The following GABRR2 variants were observed in gnomAD, a reference collection of about 807,000 sequenced individuals.
GABRR2 encodes gamma-aminobutyric acid type A receptor subunit rho2.
In GABRR2, 36 loss-of-function variants were observed where a neutral mutation model predicts 47.0. That is an observed-to-expected ratio of 0.77 (90% CI 0.59 to 1.01). The LOEUF is 1.01. Among genes scored for constraint, GABRR2 ranks in the 50% least tolerant of loss-of-function variants. GABRR2 has a pLI of 0.00. For synonymous variants in GABRR2, 204 were observed against 227.5 expected (o/e 0.90, Z 0.93); for missense variants, 587 against 594.6 (o/e 0.99, Z 0.13).
At chr6:89,305,511 C>A (rs1767544018) in intron 1 of GABRR2, among the ~76,000 whole-genome samples, 1 of 151,806 alleles carries the variant, frequency 6.6e-6, no homozygotes, top group South Asian at 2.1e-4. Context: ...CCACATCCAG[C>A]TACTTGGGAG....
intron 4 of GABRR2, among the ~76,000 whole-genome samples, chr6:89,268,388 C>T (rs2127831903): frequency 6.6e-6 from 1 of 152,320 alleles, no homozygotes; most frequent in Non-Finnish European, 1.5e-5. Context: ...GGGCTTTGCC[C>T]TCAGCCAGCA....
chr6:89,269,598 C>T (rs113386599), intron 3 of GABRR2, among the ~76,000 whole-genome samples: 121 of 152,356 alleles, frequency 7.9e-4, no homozygotes, highest in African/African-American at 2.8e-3. Context: ...GCTAACCATT[C>T]CATTTCAGCT....
intron 1 of GABRR2, among the ~76,000 whole-genome samples, 198 bp from the exon 2 acceptor site, chr6:89,300,063 G>T (rs1774640402): frequency 6.6e-6 from 1 of 152,206 alleles, no homozygotes; most frequent in Admixed American, 6.5e-5. Context: ...CTGAGGACCA[G>T]GTTCTTCTGG....
At chr6:89,306,251 C>A (rs1254111119) in intron 1 of GABRR2, among the ~76,000 whole-genome samples, 1 of 151,776 alleles carries the variant, frequency 6.6e-6, no homozygotes, top group Non-Finnish European at 1.5e-5. Context: ...ATGGCATATG[C>A]CTCTGGTCCC....
At chr6:89,269,402 A>G in intron 3 of GABRR2, 168 bp from the exon 4 acceptor site, 1 of 615,496 alleles carries the variant, frequency 1.6e-6, no homozygotes. Context: ...TGGAAAGAGA[A>G]TAGCTCATTT....
At chr6:89,266,053 T>C (rs533068658) in intron 6 of GABRR2, among the ~76,000 whole-genome samples, 2 of 152,258 alleles carry the variant, frequency 1.3e-5, no homozygotes, top group East Asian at 3.9e-4. Flanking sequence ...GAAGTTTTAG[T>C]CGTTTGGGTT....
At position 89,292,691 on chromosome 6, in the gene GABRR2, A is replaced by G. The variant is rs139232851; in HGVS notation, c.220+7068T>C. On this transcript the variant is annotated intron_variant, in intron 2 of 8. Transcript: ENST00000402938. ...ATCGTATCTCTGATATATATCAGAT[A>G]TATATCGTATCTCTGATATATATCA... Among the ~76,000 whole-genome samples the G allele has an allele frequency of 1.0e-3, 137 of 132,472 alleles. 7 individuals are homozygous for G. The highest frequency in any genetic ancestry group is 1.8e-3 in the Non-Finnish European group (104 of 57,130). The allele number at this position is 132,472 out of a possible 152,430, so 86.9% of individuals were successfully genotyped here.
intron 8 of GABRR2, among the ~76,000 whole-genome samples, chr6:89,262,118 A>G (rs1038622768): frequency 1.3e-5 from 2 of 152,004 alleles, no homozygotes; most frequent in African/African-American, 4.8e-5. Context: ...AGCCATAACT[A>G]CAGCTTTGAT....
intron 2 of GABRR2, among the ~76,000 whole-genome samples, chr6:89,298,937 C>T (rs1295211613): frequency 3.3e-5 from 5 of 152,118 alleles, no homozygotes; most frequent in East Asian, 1.9e-4. Flanking sequence ...GAGAAGGCAC[C>T]GTCTATGAAC....
chr6:89,283,798 C>T (rs796960699), intron 2 of GABRR2, among the ~76,000 whole-genome samples: 8 of 152,164 alleles, frequency 5.3e-5, no homozygotes, highest in South Asian at 2.1e-4. Context: ...GAGAAGTGTA[C>T]GGGGTGGGCA....
At chr6:89,290,682 C>T (rs1484355048) in intron 2 of GABRR2, among the ~76,000 whole-genome samples, 1 of 152,244 alleles carries the variant, frequency 6.6e-6, no homozygotes, top group African/African-American at 2.4e-5. Flanking sequence ...CCTCCACCTC[C>T]TGCTTGGTTC....
intron 3 of GABRR2, among the ~76,000 whole-genome samples, chr6:89,269,703 CTTGCCCACCA>C (rs1057188515): frequency 2.0e-5 from 3 of 152,368 alleles, no homozygotes; most frequent in Admixed American, 2.0e-4. Flanking sequence ...AAAATTGTGT[CTTGCCCACCA>C]TTGCATCCCC....
At chr6:89,279,882 A>G (rs1774226819) in intron 2 of GABRR2, among the ~76,000 whole-genome samples, 1 of 151,970 alleles carries the variant, frequency 6.6e-6, no homozygotes, top group African/African-American at 2.4e-5. Flanking sequence ...TGTAAAGCCC[A>G]TGGAAAGGTT....
chr6:89,304,588 C>CA (rs59138754), intron 1 of GABRR2, among the ~76,000 whole-genome samples: 5 of 126,704 alleles, frequency 3.9e-5, no homozygotes, highest in Admixed American at 8.3e-5. Context: ...GACTCCATCT[C>CA]AAAAAAAAGA....
chr6:89,293,563 G>C lies in GABRR2; in HGVS notation c.220+6196C>G, dbSNP rs1774505525. ...GCACTTTGGGAGGCTAAGGCGGGCA[G>C]ATCACTTGAACCCAGAAGTTCGAGA... On this transcript the variant is annotated intron_variant, in intron 2 of 8. Transcript: ENST00000402938. Among the ~76,000 whole-genome samples the C allele has an allele frequency of 3.9e-5, 6 of 152,192 alleles. No homozygotes were observed. In the South Asian group the frequency reaches 1.2e-3, roughly 32 times the overall value.
chr6:89,290,777 C>T (rs760599242), intron 2 of GABRR2, among the ~76,000 whole-genome samples: 22 of 152,186 alleles, frequency 1.4e-4, no homozygotes, highest in Non-Finnish European at 2.9e-4. Context: ...TCTCCTGCAT[C>T]GCTCTTGGCC....
At chr6:89,285,640 G>A (rs953319345) in intron 2 of GABRR2, among the ~76,000 whole-genome samples, 12 of 152,030 alleles carry the variant, frequency 7.9e-5, no homozygotes, top group Non-Finnish European at 1.3e-4. Flanking sequence ...TGGGTTTAAG[G>A]TAGCCTGGTG....
At chr6:89,289,450 C>T (rs750514133) in intron 2 of GABRR2, among the ~76,000 whole-genome samples, 2 of 152,190 alleles carry the variant, frequency 1.3e-5, no homozygotes, top group African/African-American at 4.8e-5. Context: ...ATATTCTCAA[C>T]TTTATCAATA....
At chr6:89,307,837 A>C (rs1177007944) in intron 1 of GABRR2, among the ~76,000 whole-genome samples, 125 of 78,414 alleles carry the variant, frequency 1.6e-3, no homozygotes, top group Middle Eastern at 0.012. Context: ...TTTTTTTTTG[A>C]GATGGAGTCT....
Sources: allele counts gnomAD v4.1 joint callset (sites outside exome capture counted in the v4.1 genomes callset), GRCh38; gene constraint gnomAD v4.1.1; transcripts MANE v1.5; gene names NCBI Gene and HGNC (gene_info 2026-07-23, HGNC 2026-07-21).